The following ABCB5 variants were observed in gnomAD, a reference collection of about 807,000 sequenced individuals.
The protein encoded by ABCB5 is ATP-binding cassette sub-family B member 5.
Under a neutral mutation model 144.2 loss-of-function variants are expected in ABCB5, and 155 were observed. The ratio of observed to expected loss-of-function variants is 1.08; its 90% CI spans 0.94 to 1.23. The LOEUF is 1.23. Among genes scored for constraint, ABCB5 ranks in the 50% most tolerant of loss-of-function variants. ABCB5 has a pLI of 0.00. For missense variants in ABCB5, 1,830 were observed against 1,520.8 expected (o/e 1.20, Z -3.38); for synonymous variants, 610 against 528.6 (o/e 1.15, Z -2.11).
intron 5 of ABCB5, among the ~76,000 whole-genome samples, chr7:20,640,344 T>A (rs1330800572): frequency 2.0e-5 from 3 of 152,190 alleles, no homozygotes; most frequent in East Asian, 1.9e-4. Context: ...ACAACCTCAC[T>A]TTATGTGTGC....
chr7:20,683,736 G>A (rs1785900325), intron 15 of ABCB5, among the ~76,000 whole-genome samples: 1 of 152,118 alleles, frequency 6.6e-6, no homozygotes, highest in Non-Finnish European at 1.5e-5. Flanking sequence ...AATATTCTAA[G>A]CATGGTACAG....
intron 5 of ABCB5, among the ~76,000 whole-genome samples, chr7:20,635,290 A>G (rs6946054): frequency 0.34 from 51,436 of 150,952 alleles, 8,841 homozygotes; most frequent in African/African-American, 0.4. Flanking sequence ...GTACCATGAT[A>G]TTTTCGTTAC....
chr7:20,625,742 T>C (rs1783894698), intron 2 of ABCB5, among the ~76,000 whole-genome samples: 1 of 152,184 alleles, frequency 6.6e-6, no homozygotes, highest in Admixed American at 6.5e-5. Context: ...AGTGTGAATG[T>C]TCCTCAAAAA....
chr7:20,648,162 G>A (rs543364584), intron 11 of ABCB5, 84 bp downstream of exon 11: 231 of 855,534 alleles, frequency 2.7e-4, no homozygotes, highest in Non-Finnish European at 3.9e-4. Context: ...TGATTACTTA[G>A]GATCACTTTT....
At chr7:20,661,201 C>T (rs964571443) in intron 14 of ABCB5, among the ~76,000 whole-genome samples, 5 of 152,254 alleles carry the variant, frequency 3.3e-5, no homozygotes, top group African/African-American at 1.2e-4. Flanking sequence ...ACAGTAAGCA[C>T]AAGGCTCTAT....
chr7:20,639,146 A>G (rs932756878), intron 5 of ABCB5, among the ~76,000 whole-genome samples: 4 of 152,172 alleles, frequency 2.6e-5, no homozygotes, highest in African/African-American at 9.6e-5. Context: ...ATCTACTCAT[A>G]TATTTTCTTT....
At chr7:20,649,102 G>T (rs1043177007) in intron 11 of ABCB5, among the ~76,000 whole-genome samples, 5 of 151,890 alleles carry the variant, frequency 3.3e-5, no homozygotes, top group African/African-American at 1.2e-4. Context: ...ATGAAATTTT[G>T]GGGGGGTCCA....
chr7:20,616,062 G>T (rs1463367833), intron 1 of ABCB5, among the ~76,000 whole-genome samples: 1 of 152,142 alleles, frequency 6.6e-6, no homozygotes, highest in African/African-American at 2.4e-5. Flanking sequence ...CTGTGACAGG[G>T]TCTCACTCTG....
At chr7:20,673,372 A>C (rs1342265619) in intron 14 of ABCB5, among the ~76,000 whole-genome samples, 1 of 152,002 alleles carries the variant, frequency 6.6e-6, no homozygotes, top group Non-Finnish European at 1.5e-5. Flanking sequence ...TAATTCTTCA[A>C]CTATTACTGT....
intron 7 of ABCB5, among the ~76,000 whole-genome samples, 190 bp from the exon 8 acceptor site, chr7:20,645,566 A>T (rs1251607149): frequency 1.3e-5 from 2 of 152,234 alleles, no homozygotes; most frequent in Non-Finnish European, 2.9e-5. Context: ...AGTCACCAAT[A>T]GTGATATTTT....
At chr7:20,734,792 G>A (rs967578606) in intron 23 of ABCB5, among the ~76,000 whole-genome samples, 1 of 152,110 alleles carries the variant, frequency 6.6e-6, no homozygotes, top group Admixed American at 6.5e-5. Context: ...GCATAGGGGC[G>A]TTTAGAAAAT....
intron 16 of ABCB5, among the ~76,000 whole-genome samples, chr7:20,695,026 C>T (rs1786359561): frequency 6.6e-6 from 1 of 151,790 alleles, no homozygotes; most frequent in South Asian, 2.1e-4. Flanking sequence ...TCTTTCTCCT[C>T]CAATTGAATT....
chr7:20,721,211 G>C (rs928174153), intron 20 of ABCB5, among the ~76,000 whole-genome samples: 1 of 152,174 alleles, frequency 6.6e-6, no homozygotes, highest in Non-Finnish European at 1.5e-5. Flanking sequence ...AGGGATGATA[G>C]AGTATCAGGT....
intron 14 of ABCB5, chr7:20,659,967 C>T (rs1378774412): frequency 9.1e-6 from 9 of 985,076 alleles, no homozygotes; most frequent in Non-Finnish European, 1.1e-5. Context: ...TACAGGTGTG[C>T]GTCTCCGCGC....
chr7:20,646,461 C>T (rs560712315), intron 9 of ABCB5, among the ~76,000 whole-genome samples: 5 of 152,302 alleles, frequency 3.3e-5, no homozygotes, highest in African/African-American at 1.2e-4. Context: ...TGAGACTTTT[C>T]CTTTCATCTG....
At chr7:20,744,581 T>C (rs1402773436) in intron 25 of ABCB5, among the ~76,000 whole-genome samples, 2 of 150,528 alleles carry the variant, frequency 1.3e-5, no homozygotes, top group African/African-American at 4.9e-5. Context: ...CATGTGTTTA[T>C]TGCATGCCTC....
At chr7:20,729,803 G>A (rs1033202368) in intron 23 of ABCB5, among the ~76,000 whole-genome samples, 1 of 152,152 alleles carries the variant, frequency 6.6e-6, no homozygotes, top group Non-Finnish European at 1.5e-5. Context: ...AATGAATTGG[G>A]AGATTACACC....
chr7:20,668,492 C>T (rs1785302772), intron 14 of ABCB5, among the ~76,000 whole-genome samples: 2 of 151,962 alleles, frequency 1.3e-5, no homozygotes, highest in African/African-American at 4.8e-5. Context: ...CTGGCAACCG[C>T]CCCGTCTGAG....
At chr7:20,752,437 G>T (rs1244455762) in intron 26 of ABCB5, among the ~76,000 whole-genome samples, 3 of 152,198 alleles carry the variant, frequency 2.0e-5, no homozygotes, top group Non-Finnish European at 4.4e-5. Context: ...ACCCTTCCAT[G>T]AAGGGAAACA....
Sources: gnomAD v4.1 joint callset for allele counts (sites outside exome capture counted in the v4.1 genomes callset) on GRCh38, gnomAD v4.1.1 for gene constraint, MANE v1.5 for transcripts, NCBI Gene and HGNC (gene_info 2026-07-23, HGNC 2026-07-21) for gene names.